Variants in MYL12B observed in about 807,000 individuals in gnomAD.
MYL12B encodes the protein myosin light chain 12B.
A neutral mutation model predicts 12.9 loss-of-function variants in MYL12B; 3 were observed. The observed-to-expected ratio is 0.23, with a 90% confidence interval of 0.11 to 0.60. The LOEUF (loss-of-function observed/expected upper bound fraction) is 0.60, where lower values mean the gene tolerates loss of function less well. MYL12B is among the 20% of genes least tolerant of loss of function. The pLI, the probability that MYL12B is intolerant of heterozygous loss-of-function variation, is 0.89. For missense variants in MYL12B, 120 were observed against 215.4 expected (o/e 0.56, Z 2.77); for synonymous variants, 57 against 71.9 (o/e 0.79, Z 1.05).
intron 1 of MYL12B, among the ~76,000 whole-genome samples, chr18:3,263,792 A>G (rs2081615123): frequency 6.6e-6 from 1 of 152,136 alleles, no homozygotes; most frequent in African/African-American, 2.4e-5. Context: ...AGGTATCCAC[A>G]TTTTCATGGT....
Position 3,269,763 on chromosome 18 carries a change from G to T in MYL12B, c.-15-3121G>T, listed in dbSNP as rs555936359. Among the ~76,000 whole-genome samples, 3 of 152,328 alleles carry T rather than the reference G, an allele frequency of 2.0e-5. No individual in the cohort carries two copies. In the East Asian group the frequency reaches 5.8e-4, roughly 29 times the overall value. ...GTGCTGCTAGAATACTGGGAAACAT[G>T]AATATTTAAACGGAGATAAACATCT... On this transcript the variant is annotated intron_variant, in intron 1 of 3. Transcript: ENST00000237500.
At chr18:3,277,006 G>A (rs1165091319) in intron 2 of MYL12B, 1 of 982,294 alleles carries the variant, frequency 1.0e-6, no homozygotes, top group Non-Finnish European at 1.2e-6. Context: ...GAAAAATAAT[G>A]AACAGAAAGT....
intron 1 of MYL12B, chr18:3,271,997 C>G (rs7236414): frequency 2.2e-6 from 2 of 925,574 alleles, no homozygotes; most frequent in Admixed American, 6.2e-5. Context: ...CAAGATCAGA[C>G]TGGGCAATAT....
chr18:3,270,564 G>C (rs1004812158), intron 1 of MYL12B, among the ~76,000 whole-genome samples: 1 of 152,042 alleles, frequency 6.6e-6, no homozygotes, highest in African/African-American at 2.4e-5. Context: ...TTCTGTCTTG[G>C]TATCAGCTTC....
At position 3,277,334 on chromosome 18, in the gene MYL12B, T is replaced by C; in HGVS notation, c.266T>C (p.Met89Thr). Reference protein sequence around the residue: ...GPINFTMFLTMFGEKLNGTDP... With the variant: ...GPINFTMFLTTFGEKLNGTDP... ...ATCAATTTCACCATGTTCCTGACCA[T>C]GTTTGGTGAGAAGTTAAATGGCACA... is the stretch of plus-strand genomic sequence containing the variant. Residue 89 changes from methionine (M) to threonine (T), a missense_variant, in exon 3 of 4, where the codon ATG (methionine) becomes ACG (threonine). Coordinates refer to ENST00000237500, the MANE Select transcript of MYL12B (RefSeq NM_033546.4). 1 of 1,614,002 alleles carries C rather than the reference T, an allele frequency of 6.2e-7. No homozygotes were observed. Among genetic ancestry groups the C allele is most frequent in the Non-Finnish European group, 8.5e-7 (1 of 1,179,882 alleles).
At position 3,277,818 on chromosome 18, in the gene MYL12B, T is replaced by G. The variant is rs144447000; in HGVS notation, c.400T>G (p.Phe134Val). The G allele has an allele frequency of 3.1e-6, 5 of 1,613,784 alleles. No individual in the cohort carries two copies. The African/African-American group carries it at 6.7e-5, about 22-fold the overall frequency. ...RELLTTMGDR[F>V]TDEEVDELYR... ...GCTGCTGACAACCATGGGGGATCGG[T>G]TTACAGATGAGGAAGTGGATGAGCT... Residue 134 changes from phenylalanine (F) to valine (V), a missense_variant, in exon 4 of 4, where the codon TTT (phenylalanine) becomes GTT (valine). Transcript: ENST00000237500.
At chr18:3,266,683 T>G (rs1345885221) in intron 1 of MYL12B, among the ~76,000 whole-genome samples, 1 of 152,234 alleles carries the variant, frequency 6.6e-6, no homozygotes, top group African/African-American at 2.4e-5. Flanking sequence ...TGATTCCTTA[T>G]TGTACAGTTG....
At chr18:3,275,359 G>A (rs2081720627) in intron 2 of MYL12B, among the ~76,000 whole-genome samples, 1 of 152,110 alleles carries the variant, frequency 6.6e-6, no homozygotes, top group African/African-American at 2.4e-5. Context: ...AGATACAAAA[G>A]TATAGATAGA....
chr18:3,262,922 A>T (rs1273241625), intron 1 of MYL12B: 4 of 152,268 alleles, frequency 2.6e-5, no homozygotes, highest in African/African-American at 7.2e-5. Flanking sequence ...TAACAGAAAT[A>T]GGGAAAGGTT....
chr18:3,270,289 C>T (rs959941459), intron 1 of MYL12B, among the ~76,000 whole-genome samples: 5 of 152,132 alleles, frequency 3.3e-5, no homozygotes, highest in Admixed American at 6.5e-5. Flanking sequence ...GTACCATATA[C>T]GTATACAAAT....
At chr18:3,277,221 G>T in intron 2 of MYL12B, 32 bp from the exon 3 acceptor site, 1 of 1,508,110 alleles carries the variant, frequency 6.6e-7, no homozygotes, top group Non-Finnish European at 9.0e-7. Context: ...AAATGTTTTT[G>T]TCTTTAAATG....
chr18:3,267,342 T>G (rs11659826), intron 1 of MYL12B, among the ~76,000 whole-genome samples: 16,222 of 152,278 alleles, frequency 0.11, 929 homozygotes, highest in Non-Finnish European at 0.13. Flanking sequence ...TGACAGAATG[T>G]GCTCTGTGAG....
rs181626473 is a variant in MYL12B, at chr18:3,278,316, G to T, written c.*379G>T. 1.3e-4 allele frequency: 21 copies of T among 167,636 alleles called. 1 individual carries two copies. Among genetic ancestry groups the T allele is most frequent in the Middle Eastern group, 3.0e-3 (1 of 338 alleles). The allele number at this position is 167,636 out of a possible 1,614,324, so 10.4% of individuals were successfully genotyped here. A position where few individuals can be genotyped will look rare whatever the true frequency, so the allele number is the denominator to read the frequency against. On this transcript the variant is annotated 3_prime_UTR_variant, in exon 4 of 4. Transcript: ENST00000237500. ...GTTAAACAAATGATTGATAGGTGGG[G>T]GTAGTCCTTTTTTCAGGTTTTCAAC... is the stretch of plus-strand genomic sequence containing the variant.
chr18:3,273,813 T>A (rs926891245), intron 2 of MYL12B, among the ~76,000 whole-genome samples: 1 of 149,944 alleles, frequency 6.7e-6, no homozygotes. Flanking sequence ...GTCCTCCTGC[T>A]TGGCTGACTG....
At chr18:3,277,562 G>T in intron 3 of MYL12B, 148 bp downstream of exon 3, 2 of 1,356,816 alleles carry the variant, frequency 1.5e-6, no homozygotes, top group East Asian at 2.5e-5. Flanking sequence ...GCTTTTAAAT[G>T]ATTTGATCTA....
At chr18:3,267,755 A>G (rs1294297763) in intron 1 of MYL12B, among the ~76,000 whole-genome samples, 4 of 152,174 alleles carry the variant, frequency 2.6e-5, no homozygotes, top group African/African-American at 9.7e-5. Context: ...TATCGTAGGT[A>G]TGTATGTATA....
chr18:3,274,705 C>T (rs1488835703), intron 2 of MYL12B, among the ~76,000 whole-genome samples: 2 of 152,206 alleles, frequency 1.3e-5, no homozygotes, highest in African/African-American at 2.4e-5. Flanking sequence ...GGCTCATACT[C>T]CTAAGTTAGG....
intron 1 of MYL12B, chr18:3,272,036 AAAAC>A: frequency 1.0e-6 from 1 of 984,830 alleles, no homozygotes; most frequent in Non-Finnish European, 1.2e-6. Context: ...TCTAAAATAA[AAAAC>A]AGAAGGAAAA....
intron 1 of MYL12B, among the ~76,000 whole-genome samples, chr18:3,265,130 GTTGAAAAAA>G (rs1407363694): frequency 6.6e-6 from 1 of 152,100 alleles, no homozygotes; most frequent in African/African-American, 2.4e-5. Context: ...GTTAAAAAAA[GTTGAAAAAA>G]TTGAGTTTGG....
Sources: gnomAD v4.1 joint callset for allele counts (sites outside exome capture counted in the v4.1 genomes callset) on GRCh38, gnomAD v4.1.1 for gene constraint, MANE v1.5 for transcripts, NCBI Gene and HGNC (gene_info 2026-07-23, HGNC 2026-07-21) for gene names.